The following CBLC variants were observed in gnomAD, a reference collection of about 807,000 sequenced individuals.
CBLC encodes Cbl proto-oncogene C, also known as E3 ubiquitin-protein ligase CBL-C.
Under a neutral mutation model 58.6 loss-of-function variants are expected in CBLC, and 46 were observed. That is an observed-to-expected ratio of 0.79 (90% CI 0.62 to 1.00). The LOEUF (loss-of-function observed/expected upper bound fraction) is 1.00. CBLC is among the 50% of genes least tolerant of loss of function. CBLC has a pLI of 0.00. For missense variants in CBLC, 655 were observed against 625.8 expected (o/e 1.05, Z -0.50); for synonymous variants, 271 against 264.2 (o/e 1.03, Z -0.25).
In CBLC at chr19:44,792,394, G is replaced by C; in HGVS notation, c.1017G>C (p.Gln339His). The C allele has an allele frequency of 6.2e-7, 1 of 1,613,620 alleles. No homozygotes were observed. Among genetic ancestry groups the C allele is most frequent in the Non-Finnish European group, 8.5e-7 (1 of 1,179,952 alleles). The change falls in exon 7 of 11, where the codon CAG becomes CAC. Residue 339 changes from glutamine (Q) to histidine (H), a missense_variant. Physicochemically the swap from Gln to His is conservative, Grantham distance 24 (BLOSUM62 0). Around this residue, in one of 3 missense-constraint regions of CBLC, gnomAD observed 371 missense variants for 370.8 expected, o/e 1.00. Coordinates refer to ENST00000647358, the MANE Select transcript of CBLC (RefSeq NM_012116.4). The stretch of plus-strand genomic sequence containing the variant: ...CTCTCACCTGCCAGGAGCAGCTGCA[G>C]CTCTACTGGGCCATGGACTCCACAT... ...QRIHVSEEQL[Q>H]LYWAMDSTFE...
At chr19:44,785,019 T>C in intron 5 of CBLC, among the ~76,000 whole-genome samples, 2 of 131,290 alleles carry the variant, frequency 1.5e-5, no homozygotes, top group Admixed American at 1.8e-4. Context: ...TCGCCCTGAC[T>C]GGAGTGCAAT....
intron 9 of CBLC, among the ~76,000 whole-genome samples, chr19:44,796,815 C>T (rs1247571893): frequency 1.3e-5 from 2 of 151,908 alleles, no homozygotes; most frequent in Non-Finnish European, 2.9e-5. Context: ...ACACAGGCTT[C>T]GATCAATACT....
Position 44,780,974 on chromosome 19 carries a change from G to C in CBLC, c.423G>C (p.Gly141=). 1.2e-6 allele frequency: 2 copies of C among 1,613,588 alleles called. No individual in the cohort carries two copies. Among genetic ancestry groups the C allele is most frequent in the Non-Finnish European group, 1.7e-6 (2 of 1,179,988 alleles). Residue 141 remains glycine, a synonymous_variant, in exon 2 of 11, where the codon GGG becomes GGC. Transcript: ENST00000647358. ...MHAELHALFP[G]GKYCGHMYQL... ...CAGAGCTGCACGCACTCTTCCCCGG[G>C]GGAAAGTACTGTGGACACATGTACC...
At chr19:44,785,310 A>G (rs1265073273) in intron 5 of CBLC, among the ~76,000 whole-genome samples, 1 of 151,510 alleles carries the variant, frequency 6.6e-6, no homozygotes, top group Non-Finnish European at 1.5e-5. Flanking sequence ...GGGTTTTGCC[A>G]TGCCAGGCTG....
chr19:44,791,491 G>A (rs555285161), intron 6 of CBLC, among the ~76,000 whole-genome samples: 1 of 152,202 alleles, frequency 6.6e-6, no homozygotes, highest in South Asian at 2.1e-4. Context: ...CCAGCACTTT[G>A]GGAGGCCAAG....
chr19:44,785,207 C>T (rs1178114031), intron 5 of CBLC, among the ~76,000 whole-genome samples: 2 of 151,046 alleles, frequency 1.3e-5, no homozygotes, highest in Non-Finnish European at 2.9e-5. Context: ...GAACTCCTGA[C>T]CTCATGATCC....
Position 44,780,978 on chromosome 19 carries a change from A to G in CBLC, c.427A>G (p.Lys143Glu), listed in dbSNP as rs144857168. 1.4e-5 allele frequency: 22 copies of G among 1,613,486 alleles called. No individual in the cohort carries two copies. In the African/African-American group the frequency reaches 1.9e-4, roughly 14 times the overall value. The change falls in exon 2 of 11, where the codon AAG becomes GAG. Residue 143 changes from lysine to glutamate, a missense_variant. Physicochemically the swap from Lys to Glu is moderately conservative, Grantham distance 56. Transcript: ENST00000647358. ...GCTGCACGCACTCTTCCCCGGGGGAAAGTACTGTGGACACATGTACCAGCT... is the reference window on the plus strand; with the variant it reads ...GCTGCACGCACTCTTCCCCGGGGGAGAGTACTGTGGACACATGTACCAGCT... ...AELHALFPGG[K>E]YCGHMYQLTK...
At chr19:44,784,199 G>T in intron 4 of CBLC, 65 bp from the exon 5 acceptor site, 5 of 1,448,300 alleles carry the variant, frequency 3.5e-6, no homozygotes, top group African/African-American at 1.4e-5. Flanking sequence ...CCAGGGGACT[G>T]GAAGTTCACA....
intron 1 of CBLC, 97 bp downstream of exon 1, chr19:44,778,381 C>A: frequency 8.2e-7 from 1 of 1,224,466 alleles, no homozygotes; most frequent in Non-Finnish European, 1.0e-6. Context: ...GCCCCCACCC[C>A]CTCCTCCCTC....
At chr19:44,799,080 C>T (rs1043269757) in intron 9 of CBLC, among the ~76,000 whole-genome samples, 3 of 152,204 alleles carry the variant, frequency 2.0e-5, no homozygotes, top group African/African-American at 4.8e-5. Flanking sequence ...TGTTCAGGAG[C>T]TGATCAGTCA....
At chr19:44,779,249 A>G (rs965339857) in intron 1 of CBLC, among the ~76,000 whole-genome samples, 2 of 152,214 alleles carry the variant, frequency 1.3e-5, no homozygotes, top group African/African-American at 2.4e-5. Context: ...TGGGAGGATC[A>G]GGCCTCAGAA....
chr19:44,793,764 C>T (rs538290840), intron 8 of CBLC, 144 bp downstream of exon 8: 15 of 731,930 alleles, frequency 2.0e-5, no homozygotes, highest in Non-Finnish European at 3.1e-5. Context: ...GGAGCCTGTA[C>T]TCTGAGTCTA....
In CBLC at chr19:44,781,178, G is replaced by A. The variant is rs375598616; in HGVS notation, c.501-29G>A. 448 of 1,594,000 alleles carry A rather than the reference G, an allele frequency of 2.8e-4. 1 individual carries two copies. The highest frequency in any genetic ancestry group is 1.0e-4 in the Admixed American group (6 of 58,070). The stretch of plus-strand genomic sequence containing the variant: ...ATCATAGGCTCTGGGAGGCCTCAGC[G>A]GTGTCTCCCCCACCCCTCTCCCACC... On this transcript the variant is annotated intron_variant, in intron 2 of 10. Coordinates refer to ENST00000647358, the MANE Select transcript of CBLC (RefSeq NM_012116.4).
intron 2 of CBLC, 61 bp from the exon 3 acceptor site, chr19:44,781,146 C>T: frequency 6.4e-7 from 1 of 1,573,366 alleles, no homozygotes; most frequent in Non-Finnish European, 8.6e-7. Context: ...TTCCTGGAGA[C>T]CCTCCCATCA....
chr19:44,788,196 C>T (rs911032064), intron 5 of CBLC, among the ~76,000 whole-genome samples: 13 of 152,000 alleles, frequency 8.6e-5, no homozygotes, highest in Non-Finnish European at 1.5e-4. Flanking sequence ...CTCACTGCTG[C>T]AGCCTCGACC....
At position 44,792,467 on chromosome 19, in the gene CBLC, G is replaced by C; in HGVS notation, c.1090G>C (p.Glu364Gln). The C allele has an allele frequency of 6.2e-7, 1 of 1,612,394 alleles. No individual in the cohort carries two copies. The highest frequency in any genetic ancestry group is 8.5e-7 in the Non-Finnish European group (1 of 1,179,594). Residue 364 changes from glutamate to glutamine, a missense_variant, in exon 7 of 11, where the codon GAG (glutamate) becomes CAG (glutamine). Transcript: ENST00000647358. ...TGAGAGCAACAAGGATGTGAAGATT[G>C]AGCCGTGCGGGCACCTGCTCTGCAG... ...CAESNKDVKI[E>Q]PCGHLLCSCC... is the part of the protein sequence containing the mutation.
Position 44,780,976 on chromosome 19 carries a change from G to A in CBLC, c.425G>A (p.Gly142Glu), listed in dbSNP as rs747887583. The change falls in exon 2 of 11, where the codon GGA (glycine) becomes GAA (glutamate). Residue 142 changes from glycine to glutamate, a missense_variant. This residue lies in a region of CBLC where 280 missense variants were observed against 237.2 expected (regional missense o/e 1.18). Coordinates refer to ENST00000647358, the MANE Select transcript of CBLC (RefSeq NM_012116.4). ...GAGCTGCACGCACTCTTCCCCGGGG[G>A]AAAGTACTGTGGACACATGTACCAG... ...HAELHALFPG[G>E]KYCGHMYQLT... 1.6e-5 allele frequency: 26 copies of A among 1,613,608 alleles called. No individual in the cohort carries two copies. The Middle Eastern group carries it at 6.6e-4, about 41-fold the overall frequency.
chr19:44,800,581 C>CA lies in CBLC; in HGVS notation c.*40dup. 1 of 596,860 alleles carries CA rather than the reference C, an allele frequency of 1.7e-6. No individual in the cohort carries two copies. The highest frequency in any genetic ancestry group is 3.0e-5 in the Admixed American group (1 of 32,828). 37.0% of individuals were successfully genotyped at this position (596,860 alleles called of 1,614,324 possible). A position where few individuals can be genotyped will look rare whatever the true frequency, so the allele number is the denominator to read the frequency against. Reference sequence around the variant, plus strand: ...CCAGATGTGCTGCTCAAGGGAGCCCCAAGGGCTGGAAGGGGGTTGTGAAAC... The same window carrying CA: ...CCAGATGTGCTGCTCAAGGGAGCCCCAAAGGGCTGGAAGGGGGTTGTGAAAC... On this transcript the variant is annotated 3_prime_UTR_variant, in exon 11 of 11. Transcript: ENST00000647358.
rs1439674496 is a variant in CBLC, at chr19:44,792,493, C to T, written c.1116C>T (p.Ser372=). Residue 372 remains serine, a synonymous_variant, in exon 7 of 11, where the codon AGC becomes AGT. Coordinates refer to ENST00000647358, the MANE Select transcript of CBLC (RefSeq NM_012116.4). ...KIEPCGHLLC[S]CCLAAWQHSD... is the part of the protein sequence containing the mutation. ...AGCCGTGCGGGCACCTGCTCTGCAG[C>T]TGCTGCCTGGCTGCCTGGCAGGTGG... 1 of 1,604,984 alleles carries T rather than the reference C, an allele frequency of 6.2e-7. No individual in the cohort carries two copies. Among genetic ancestry groups the T allele is most frequent in the Non-Finnish European group, 8.5e-7 (1 of 1,176,840 alleles).
Sources: gnomAD v4.1 joint callset for allele counts (sites outside exome capture counted in the v4.1 genomes callset) on GRCh38, gnomAD v4.1.1 for gene constraint, gnomAD v4.1.1 regional missense constraint, MANE v1.5 for transcripts, NCBI Gene and HGNC (gene_info 2026-07-23, HGNC 2026-07-21) for gene names.